DPYD: variants seen among roughly 807,000 people sequenced by gnomAD.
DPYD encodes dihydropyrimidine dehydrogenase [NADP(+)].
In DPYD, 109 loss-of-function variants were observed where a neutral mutation model predicts 116.2. The ratio of observed to expected loss-of-function variants is 0.94; its 90% confidence interval spans 0.80 to 1.10. The LOEUF is 1.10. DPYD is among the 50% of genes least tolerant of loss of function. DPYD has a pLI of 0.00. For synonymous variants in DPYD, 440 were observed against 432.0 expected (o/e 1.02, Z -0.23); for missense variants, 1,302 against 1,254.5 (o/e 1.04, Z -0.57).
In DPYD at chr1:97,088,809, C is replaced by T. The variant is rs183101512; in HGVS notation, c.2767-6339G>A. Among the ~76,000 whole-genome samples, 935 of 152,180 alleles carry T rather than the reference C, an allele frequency of 6.1e-3. 5 individuals are homozygous for T. Among genetic ancestry groups the T allele is most frequent in the Non-Finnish European group, 0.011 (714 of 67,992 alleles). ...CATAAGACTTAAGGGATTATTTTAC[C>T]AAATTCTCTTCAGTTTTTAAAGTTC... On this transcript the variant is annotated intron_variant, in intron 21 of 22. Coordinates refer to ENST00000370192, the MANE Select transcript of DPYD (RefSeq NM_000110.4).
chr1:97,762,016 G>C (rs1665602238), intron 3 of DPYD, among the ~76,000 whole-genome samples: 1 of 152,160 alleles, frequency 6.6e-6, no homozygotes. Flanking sequence ...AGGGTGGACA[G>C]TGGGAGGAGG....
intron 20 of DPYD, among the ~76,000 whole-genome samples, chr1:97,145,630 A>G (rs191656516): frequency 5.3e-5 from 8 of 152,094 alleles, no homozygotes; most frequent in African/African-American, 1.9e-4. Flanking sequence ...TATGCATCCT[A>G]TTACTCTGCA....
intron 20 of DPYD, among the ~76,000 whole-genome samples, chr1:97,192,313 G>C (rs1012659390): frequency 5.9e-5 from 9 of 151,978 alleles, no homozygotes; most frequent in African/African-American, 1.7e-4. Flanking sequence ...ATTATTAAAT[G>C]CTTCCTTAAA....
intron 13 of DPYD, among the ~76,000 whole-genome samples, chr1:97,470,748 A>C (rs1677601362): frequency 6.6e-6 from 1 of 152,190 alleles, no homozygotes; most frequent in South Asian, 2.1e-4. Context: ...CTATAATCCC[A>C]ACACTTTGGG....
chr1:97,409,047 C>T (rs966531179), intron 14 of DPYD, among the ~76,000 whole-genome samples: 12 of 152,076 alleles, frequency 7.9e-5, no homozygotes, highest in African/African-American at 2.9e-4. Flanking sequence ...TGGGACTTCA[C>T]CTTATGATCA....
At chr1:97,426,333 A>C (rs1207481005) in intron 14 of DPYD, among the ~76,000 whole-genome samples, 1 of 152,130 alleles carries the variant, frequency 6.6e-6, no homozygotes, top group Non-Finnish European at 1.5e-5. Context: ...TGATGGCAAA[A>C]GTAACTAGAG....
At chr1:97,177,451 C>A (rs1217763230) in intron 20 of DPYD, among the ~76,000 whole-genome samples, 2 of 151,986 alleles carry the variant, frequency 1.3e-5, no homozygotes, top group Non-Finnish European at 2.9e-5. Flanking sequence ...AGAAATCTAA[C>A]CTTGAGTAGC....
chr1:97,525,562 C>T (rs1035753063), intron 12 of DPYD, among the ~76,000 whole-genome samples: 1 of 152,196 alleles, frequency 6.6e-6, no homozygotes, highest in East Asian at 1.9e-4. Context: ...TACTTAGTGT[C>T]TTTTTCAAAT....
chr1:97,251,343 G>A (rs1466183611), intron 18 of DPYD, among the ~76,000 whole-genome samples: 1 of 139,622 alleles, frequency 7.2e-6, no homozygotes, highest in Non-Finnish European at 1.5e-5. Flanking sequence ...AGTGAGCCGA[G>A]ATTGCGCCAT....
chr1:97,241,401 G>A (rs1324270636), intron 18 of DPYD, among the ~76,000 whole-genome samples: 5 of 151,962 alleles, frequency 3.3e-5, no homozygotes, highest in African/African-American at 1.2e-4. Flanking sequence ...GAAGCTAGGT[G>A]CTGTCCTCTC....
At chr1:97,741,885 A>G (rs1664288821) in intron 3 of DPYD, among the ~76,000 whole-genome samples, 1 of 152,120 alleles carries the variant, frequency 6.6e-6, no homozygotes, top group South Asian at 2.1e-4. Flanking sequence ...GGGAGGAATA[A>G]TATTGAAATA....
intron 19 of DPYD, among the ~76,000 whole-genome samples, chr1:97,218,235 C>T (rs1660545364): frequency 6.6e-6 from 1 of 151,994 alleles, no homozygotes. Context: ...CCAGAGTTCA[C>T]TATGAATCCA....
intron 3 of DPYD, among the ~76,000 whole-genome samples, chr1:97,808,608 C>T (rs1032080345): frequency 6.6e-6 from 1 of 152,018 alleles, no homozygotes; most frequent in African/African-American, 2.4e-5. Context: ...AACTGTACAC[C>T]TTTATTTTCT....
chr1:97,671,154 A>C (rs184977390), intron 8 of DPYD, among the ~76,000 whole-genome samples: 1 of 152,058 alleles, frequency 6.6e-6, no homozygotes. Context: ...CTTTTTTACA[A>C]TAATACGGAA....
At chr1:97,573,708 G>C (rs1337165692) in intron 11 of DPYD, 52 bp downstream of exon 11, 1 of 1,601,054 alleles carries the variant, frequency 6.2e-7, no homozygotes, top group African/African-American at 1.3e-5. Context: ...AACTATTACA[G>C]CACTAAAATA....
At chr1:97,346,867 G>C (rs1669876756) in intron 16 of DPYD, among the ~76,000 whole-genome samples, 1 of 151,752 alleles carries the variant, frequency 6.6e-6, no homozygotes, top group South Asian at 2.1e-4. Context: ...TGTTGAAAGT[G>C]GTTATGACCA....
Position 97,134,801 on chromosome 1 carries a change from C to T in DPYD, c.2623-36169G>A, listed in dbSNP as rs538246796. On this transcript the variant is annotated intron_variant, in intron 20 of 22. Transcript: ENST00000370192. ...GATGTTGCTTCTTATTAGTAGCCCTCGGCATAATGATGAAGTAAGTTAACG... is the reference window on the plus strand; with the variant it reads ...GATGTTGCTTCTTATTAGTAGCCCTTGGCATAATGATGAAGTAAGTTAACG... 2.2e-4 allele frequency among the ~76,000 whole-genome samples: 33 copies of T among 152,154 alleles called. 1 individual carries two copies. Among genetic ancestry groups the T allele is most frequent in the South Asian group, 2.1e-3 (10 of 4,814 alleles).
In DPYD at chr1:97,263,605, A is replaced by G. The variant is rs746125486; in HGVS notation, c.2300-28611T>C. On this transcript the variant is annotated intron_variant, in intron 18 of 22. Transcript: ENST00000370192. ...TGAACCATTAAAACAATTACACTTAAGAAAATATAGTGGGAATCAGTAGTA... is the reference window on the plus strand; with the variant it reads ...TGAACCATTAAAACAATTACACTTAGGAAAATATAGTGGGAATCAGTAGTA... Among the ~76,000 whole-genome samples the G allele has an allele frequency of 1.3e-4, 20 of 152,258 alleles. 1 individual carries two copies. Among genetic ancestry groups the G allele is most frequent in the Middle Eastern group, 6.8e-3 (2 of 294 alleles).
intron 3 of DPYD, among the ~76,000 whole-genome samples, chr1:97,770,936 T>C (rs1229007964): frequency 1.3e-5 from 2 of 152,208 alleles, no homozygotes; most frequent in Non-Finnish European, 2.9e-5. Flanking sequence ...TTCAAATGTT[T>C]ATCTAACATA....
Sources: allele counts gnomAD v4.1 joint callset (sites outside exome capture counted in the v4.1 genomes callset), GRCh38; gene constraint gnomAD v4.1.1; transcripts MANE v1.5; gene names NCBI Gene and HGNC (gene_info 2026-07-23, HGNC 2026-07-21).